Variants in TLL1 observed in about 807,000 individuals in gnomAD.
The protein encoded by TLL1 is tolloid like 1.
A neutral mutation model predicts 128.2 loss-of-function variants in TLL1; 49 were observed. The observed-to-expected ratio is 0.38, with a 90% confidence interval of 0.30 to 0.48. The LOEUF is 0.48. TLL1 is among the 20% of genes least tolerant of loss of function. The pLI, the probability that TLL1 is intolerant of heterozygous loss-of-function variation, is 0.96. For synonymous variants in TLL1, 454 were observed against 418.8 expected (o/e 1.08, Z -1.03); for missense variants, 1,123 against 1,242.0 (o/e 0.90, Z 1.44).
intron 1 of TLL1, among the ~76,000 whole-genome samples, chr4:165,891,950 C>T (rs542804608): frequency 1.3e-5 from 2 of 152,296 alleles, no homozygotes; most frequent in East Asian, 3.9e-4. Context: ...AAAGACAAAC[C>T]TGAGACTGGG....
chr4:165,885,382 C>T (rs1579440771), intron 1 of TLL1, among the ~76,000 whole-genome samples: 2 of 151,950 alleles, frequency 1.3e-5, no homozygotes, highest in African/African-American at 2.4e-5. Flanking sequence ...TGCTGTACAC[C>T]GAGAGGAAGG....
intron 6 of TLL1, among the ~76,000 whole-genome samples, chr4:166,006,838 T>C (rs899426558): frequency 2.6e-5 from 4 of 151,744 alleles, no homozygotes; most frequent in Non-Finnish European, 5.9e-5. Flanking sequence ...TCATTCTTAA[T>C]TCTCAAGTGA....
intron 1 of TLL1, among the ~76,000 whole-genome samples, chr4:165,909,053 C>T (rs1015941212): frequency 2.1e-4 from 32 of 151,936 alleles, no homozygotes; most frequent in Non-Finnish European, 1.0e-4. Flanking sequence ...AAAAATTAGC[C>T]GGGTGTGCCT....
intron 1 of TLL1, among the ~76,000 whole-genome samples, chr4:165,903,067 G>A (rs1020201366): frequency 6.6e-5 from 10 of 152,064 alleles, no homozygotes; most frequent in African/African-American, 1.2e-4. Flanking sequence ...GGCCGGGTGC[G>A]GTGGCTCACA....
At chr4:166,001,830 T>C (rs1737176877) in intron 5 of TLL1, among the ~76,000 whole-genome samples, 1 of 151,736 alleles carries the variant, frequency 6.6e-6, no homozygotes, top group Non-Finnish European at 1.5e-5. Flanking sequence ...ATTGAATATG[T>C]ATAAATATCA....
At chr4:165,903,786 A>G (rs1732122489) in intron 1 of TLL1, among the ~76,000 whole-genome samples, 1 of 151,930 alleles carries the variant, frequency 6.6e-6, no homozygotes, top group African/African-American at 2.4e-5. Flanking sequence ...ATAAATAATA[A>G]GGCAGAAAGA....
intron 1 of TLL1, among the ~76,000 whole-genome samples, chr4:165,896,220 A>C (rs560877522): frequency 2.1e-4 from 32 of 152,210 alleles, no homozygotes; most frequent in African/African-American, 7.0e-4. Context: ...CCTGAGAATG[A>C]TGGTTTCCAG....
intron 9 of TLL1, chr4:166,030,881 G>T: frequency 2.0e-6 from 2 of 987,656 alleles, no homozygotes; most frequent in Non-Finnish European, 2.4e-6. Flanking sequence ...TTTTTTACAT[G>T]AATTTATAAA....
At position 165,994,521 on chromosome 4, in the gene TLL1, G is replaced by A. The variant is rs751502895; in HGVS notation, c.502G>A (p.Gly168Arg). The A allele has an allele frequency of 6.2e-7, 1 of 1,613,838 alleles. No individual in the cohort carries two copies. Among genetic ancestry groups the A allele is most frequent in the Non-Finnish European group, 8.5e-7 (1 of 1,179,862 alleles). ...AGGCGTTATTCCTTATGTTATAGGA[G>A]GAAACTTCACTGGTAAGATACTCCC... ...PGGVIPYVIG[G>R]NFTGSQRAMF... The change falls in exon 4 of 21, where the codon GGA becomes AGA. Residue 168 changes from glycine to arginine, a missense_variant. Physicochemically the swap from Gly to Arg is moderately radical, Grantham distance 125. This residue lies in a region of TLL1 where 480 missense variants were observed against 542.4 expected (regional missense o/e 0.89). Transcript: ENST00000061240.
chr4:166,085,883 T>C (rs1385716919), intron 18 of TLL1, among the ~76,000 whole-genome samples: 1 of 152,166 alleles, frequency 6.6e-6, no homozygotes, highest in Non-Finnish European at 1.5e-5. Flanking sequence ...TCGTAGTTTA[T>C]GAATTTTGAA....
intron 1 of TLL1, among the ~76,000 whole-genome samples, chr4:165,880,240 T>C (rs1174095972): frequency 6.6e-6 from 1 of 152,220 alleles, no homozygotes; most frequent in Non-Finnish European, 1.5e-5. Context: ...GCTAATGGAC[T>C]GCTAGTTTTG....
At chr4:165,933,203 T>C (rs1051127323) in intron 1 of TLL1, among the ~76,000 whole-genome samples, 6 of 152,188 alleles carry the variant, frequency 3.9e-5, no homozygotes, top group African/African-American at 1.4e-4. Context: ...GTTCAGTGGA[T>C]TCACTTCCCT....
chr4:165,935,087 A>AAAT (rs1280193273), intron 1 of TLL1, among the ~76,000 whole-genome samples: 1 of 152,200 alleles, frequency 6.6e-6, no homozygotes, highest in African/African-American at 2.4e-5. Context: ...AATGTTTTTA[A>AAAT]AATAATAATA....
chr4:165,946,434 C>G (rs1175859989), intron 1 of TLL1, among the ~76,000 whole-genome samples: 1 of 151,596 alleles, frequency 6.6e-6, no homozygotes, highest in African/African-American at 2.4e-5. Context: ...CTCCCAGGCT[C>G]AAGTCCTCCC....
At chr4:165,955,731 G>A (rs1051460600) in intron 1 of TLL1, among the ~76,000 whole-genome samples, 1 of 152,248 alleles carries the variant, frequency 6.6e-6, no homozygotes, top group African/African-American at 2.4e-5. Flanking sequence ...TTCCAGAAAA[G>A]CAATGCTATG....
intron 1 of TLL1, among the ~76,000 whole-genome samples, chr4:165,938,938 G>A (rs1439632842): frequency 6.6e-6 from 1 of 151,556 alleles, no homozygotes; most frequent in African/African-American, 2.4e-5. Flanking sequence ...ATCTCTTTGT[G>A]AATATTAATT....
chr4:165,943,896 C>T (rs945501689), intron 1 of TLL1, among the ~76,000 whole-genome samples: 1 of 152,060 alleles, frequency 6.6e-6, no homozygotes, highest in Non-Finnish European at 1.5e-5. Context: ...TTTTCCTATT[C>T]CGCTTTCCTT....
At chr4:166,043,444 T>C in intron 12 of TLL1, 25 bp downstream of exon 12, 5 of 1,614,000 alleles carry the variant, frequency 3.1e-6, no homozygotes, top group Non-Finnish European at 3.4e-6. Flanking sequence ...GCTATCTTCC[T>C]GGCAAATATT....
intron 1 of TLL1, among the ~76,000 whole-genome samples, chr4:165,882,710 C>A (rs545122356): frequency 6.8e-4 from 104 of 152,144 alleles, no homozygotes; most frequent in African/African-American, 2.3e-3. Flanking sequence ...CCTCCGCCTC[C>A]CAGGTTCAAG....
Sources: allele counts gnomAD v4.1 joint callset (sites outside exome capture counted in the v4.1 genomes callset), GRCh38; gene constraint gnomAD v4.1.1; regional missense constraint gnomAD v4.1.1; transcripts MANE v1.5; gene names NCBI Gene and HGNC (gene_info 2026-07-23, HGNC 2026-07-21).